The following ADAMTS2 variants were observed in gnomAD, a reference collection of about 807,000 sequenced individuals.
ADAMTS2 encodes the protein A disintegrin and metalloproteinase with thrombospondin motifs 2.
ADAMTS2 carries 50 observed loss-of-function variants against 123.0 expected under a neutral mutation model. The ratio of observed to expected loss-of-function variants is 0.41; its 90% CI spans 0.32 to 0.51. The LOEUF is 0.51. Ranked by LOEUF, ADAMTS2 falls within the 20% of genes least tolerant of loss-of-function variation. The probability of loss-of-function intolerance (pLI) is 0.35; values close to 1 mark genes in which losing one functional copy is unlikely to be tolerated. For synonymous variants in ADAMTS2, 678 were observed against 695.4 expected (o/e 0.98, Z 0.39); for missense variants, 1,494 against 1,705.2 (o/e 0.88, Z 2.18).
Position 179,122,780 on chromosome 5 carries a change from G to C in ADAMTS2, c.2959-7C>G, listed in dbSNP as rs748783596. 1.3e-6 allele frequency: 2 copies of C among 1,554,692 alleles called. No individual in the cohort carries two copies. Among genetic ancestry groups the C allele is most frequent in the Middle Eastern group, 1.7e-4 (1 of 5,994 alleles). Reference sequence around the variant, plus strand: ...TGCCACAGGTTACTGAGCACTGCAGGGGGAGAGTCGCCAGGCAGGGTTCAC... The same window carrying C: ...TGCCACAGGTTACTGAGCACTGCAGCGGGAGAGTCGCCAGGCAGGGTTCAC... On this transcript the variant is annotated splice_region_variant and splice_polypyrimidine_tract_variant and intron_variant, in intron 19 of 21. Coordinates refer to ENST00000251582, the MANE Select transcript of ADAMTS2 (RefSeq NM_014244.5).
chr5:179,208,781 T>C (rs1414938206), intron 3 of ADAMTS2, among the ~76,000 whole-genome samples: 1 of 151,994 alleles, frequency 6.6e-6, no homozygotes, highest in Non-Finnish European at 1.5e-5. Flanking sequence ...CACTGGTCTC[T>C]GTGTCTAAGC....
At chr5:179,326,189 C>CGTTTGTGTGTGCGTGTGTGTGTGT (rs1366295535) in intron 2 of ADAMTS2, among the ~76,000 whole-genome samples, 1 of 139,008 alleles carries the variant, frequency 7.2e-6, no homozygotes. Context: ...GGAGAAATGG[C>CGTTTGTGTGTGCGTGTGTGTGTGT]GTTTGTGTGT....
rs1021731721 is a variant in ADAMTS2, at chr5:179,272,416, C to T, written c.688+495G>A. On this transcript the variant is annotated intron_variant, in intron 3 of 21. Transcript: ENST00000251582. This position sits in a 1 kb window ranked among gnomAD's most constrained non-coding sequence, Gnocchi z 5.8. ...CAGAAAGAGCATGCAGGGCCTTTCT[C>T]CCTGAGCAGCCAGGTGAGGGTTGGG... Among the ~76,000 whole-genome samples the T allele has an allele frequency of 6.6e-5, 10 of 152,190 alleles. No individual in the cohort carries two copies. The highest frequency in any genetic ancestry group is 1.2e-4 in the Non-Finnish European group (8 of 68,032).
chr5:179,234,703 G>A lies in ADAMTS2; in HGVS notation c.689-26988C>T, dbSNP rs531165028. 5.3e-5 allele frequency among the ~76,000 whole-genome samples: 8 copies of A among 152,118 alleles called. No homozygotes were observed. The highest frequency in any genetic ancestry group is 1.9e-4 in the African/African-American group (8 of 41,506). ...TCATCTCCACATCCAAGGAGTCACCGCATCCTGGCACCTTCCCCATCTCCC... is the reference window on the plus strand; with the variant it reads ...TCATCTCCACATCCAAGGAGTCACCACATCCTGGCACCTTCCCCATCTCCC... On this transcript the variant is annotated intron_variant, in intron 3 of 21. Coordinates refer to ENST00000251582, the MANE Select transcript of ADAMTS2 (RefSeq NM_014244.5). The surrounding 1 kb of genome is among the most constrained non-coding windows in gnomAD (Gnocchi z 4.7).
chr5:179,330,154 A>AAACAAGT (rs1267577514), intron 2 of ADAMTS2, among the ~76,000 whole-genome samples: 1 of 142,950 alleles, frequency 7.0e-6, no homozygotes, highest in South Asian at 2.3e-4. Context: ...AAAAAAAAGG[A>AAACAAGT]AACAAGTTTC....
Position 179,148,801 on chromosome 5 carries a change from G to A in ADAMTS2, c.1629+3341C>T, listed in dbSNP as rs577040972. ...CTGCCTTTGTGGCAGTCTGAGCCAC[G>A]TGGGGACTGCAGAGGCCGCCACTCT... On this transcript the variant is annotated intron_variant, in intron 10 of 21. Transcript: ENST00000251582. Among the ~76,000 whole-genome samples, 16 of 152,156 alleles carry A rather than the reference G, an allele frequency of 1.1e-4. No homozygotes were observed. In the East Asian group the frequency reaches 2.9e-3, roughly 28 times the overall value.
At chr5:179,302,379 CAAAAAAAAAAAAA>C (rs1166990772) in intron 2 of ADAMTS2, among the ~76,000 whole-genome samples, 20 of 38,198 alleles carry the variant, frequency 5.2e-4, no homozygotes, top group Admixed American at 2.0e-3. Context: ...AAGACCGTCT[CAAAAAAAAAAAAA>C]AAAAAAAAAA....
intron 4 of ADAMTS2, among the ~76,000 whole-genome samples, chr5:179,196,052 C>A (rs1233125452): frequency 6.6e-6 from 1 of 152,206 alleles, no homozygotes; most frequent in Non-Finnish European, 1.5e-5. Context: ...TGAAAACACT[C>A]CTGTCCGACC....
rs1373739843 is a variant in ADAMTS2 at position 179,299,513 on chromosome 5, A to C, written c.535-26449T>G. Among the ~76,000 whole-genome samples the C allele has an allele frequency of 1.4e-4, 18 of 130,884 alleles. No homozygotes were observed. The East Asian group carries it at 4.0e-3, about 29-fold the overall frequency. The allele number at this position is 130,884 out of a possible 152,430, so 85.9% of individuals were successfully genotyped here. A position where few individuals can be genotyped will look rare whatever the true frequency, so the allele number is the denominator to read the frequency against. ...CACAGCACTCCAGCCTGGGCAACAGATCAAGACTCCAACTCAAACACACAC... is the reference window on the plus strand; with the variant it reads ...CACAGCACTCCAGCCTGGGCAACAGCTCAAGACTCCAACTCAAACACACAC... On this transcript the variant is annotated intron_variant, in intron 2 of 21. Coordinates refer to ENST00000251582, the MANE Select transcript of ADAMTS2 (RefSeq NM_014244.5).
Position 179,242,717 on chromosome 5 carries a change from C to T in ADAMTS2, c.688+30194G>A, listed in dbSNP as rs576775669. 6.6e-6 allele frequency among the ~76,000 whole-genome samples: 1 copy of T among 152,284 alleles called. No homozygotes were observed. The highest frequency in any genetic ancestry group is 2.4e-5 in the African/African-American group (1 of 41,556). The stretch of plus-strand genomic sequence containing the variant: ...AGTTCAGCTTATGGGGAGTTCCACT[C>T]TGGGGGTGTGTGGCCAAGAACACAG... On this transcript the variant is annotated intron_variant, in intron 3 of 21. Transcript: ENST00000251582. The surrounding 1 kb of genome is among the most constrained non-coding windows in gnomAD (Gnocchi z 4.2).
chr5:179,158,670 AG>A lies in ADAMTS2; in HGVS notation c.1132+52del. 6.2e-7 allele frequency: 1 copy of A among 1,612,982 alleles called. No individual in the cohort carries two copies. The highest frequency in any genetic ancestry group is 2.2e-5 in the East Asian group (1 of 44,860). On this transcript the variant is annotated intron_variant, in intron 6 of 21. Coordinates refer to ENST00000251582, the MANE Select transcript of ADAMTS2 (RefSeq NM_014244.5). This position sits in a 1 kb window ranked among gnomAD's most constrained non-coding sequence, Gnocchi z 5.0. ...GGCTCCCGGGGCCCCTTGCATGGCC[AG>A]GGGCTCATTTCCAGCTTCACGCCTC...
intron 2 of ADAMTS2, among the ~76,000 whole-genome samples, chr5:179,338,693 A>C (rs935818819): frequency 2.6e-5 from 4 of 152,170 alleles, no homozygotes; most frequent in African/African-American, 9.7e-5. Context: ...GGATGTTTTT[A>C]AGAGCAGTAA....
intron 2 of ADAMTS2, among the ~76,000 whole-genome samples, chr5:179,302,410 G>C (rs544450420): frequency 3.4e-5 from 5 of 146,226 alleles, no homozygotes; most frequent in Non-Finnish European, 6.0e-5. Context: ...AAAAAAAAGC[G>C]GGGGAGTGAT....
At chr5:179,270,070 C>T (rs1033224699) in intron 3 of ADAMTS2, among the ~76,000 whole-genome samples, 12 of 152,344 alleles carry the variant, frequency 7.9e-5, no homozygotes, top group African/African-American at 2.9e-4. Context: ...AGTGCACACA[C>T]TCATCCCTGG....
chr5:179,245,791 A>AC lies in ADAMTS2; in HGVS notation c.688+27119_688+27120insG, dbSNP rs1561628647. On this transcript the variant is annotated intron_variant, in intron 3 of 21. Transcript: ENST00000251582. ...AAAAAAAAAAAAAAAAAAAAAAAAA[A>AC]AAAACAAAAAAAACAAAGATGGGGG... is the stretch of plus-strand genomic sequence containing the variant. 7.4e-4 allele frequency among the ~76,000 whole-genome samples: 63 copies of AC among 85,642 alleles called. 1 individual carries two copies. Among genetic ancestry groups the AC allele is most frequent in the African/African-American group, 1.1e-3 (33 of 30,816 alleles). 56.2% of individuals were successfully genotyped at this position (85,642 alleles called of 152,430 possible).
At chr5:179,210,012 G>A (rs780514625) in intron 3 of ADAMTS2, among the ~76,000 whole-genome samples, 9 of 152,228 alleles carry the variant, frequency 5.9e-5, no homozygotes, top group Admixed American at 1.3e-4. Context: ...AGGTCACGTG[G>A]TGCCATCTGG....
chr5:179,295,699 A>C (rs457659), intron 2 of ADAMTS2, among the ~76,000 whole-genome samples: 35,414 of 152,170 alleles, frequency 0.23, 5,138 homozygotes, highest in Non-Finnish European at 0.31. Context: ...CTGGTCCAGA[A>C]CATTCTGAGC....
At chr5:179,241,915 C>A (rs539068112) in intron 3 of ADAMTS2, among the ~76,000 whole-genome samples, 6 of 152,262 alleles carry the variant, frequency 3.9e-5, no homozygotes, top group African/African-American at 1.2e-4. Flanking sequence ...GCGGGAAGGG[C>A]CTTGCCCCAC....
At chr5:179,164,549 C>T (rs551659840) in intron 5 of ADAMTS2, among the ~76,000 whole-genome samples, 2 of 152,098 alleles carry the variant, frequency 1.3e-5, no homozygotes, top group East Asian at 1.9e-4. Context: ...AGAGGCGGCG[C>T]GGGAAGGGGA....
Sources: gnomAD v4.1 joint callset for allele counts (sites outside exome capture counted in the v4.1 genomes callset) on GRCh38, gnomAD v4.1.1 for gene constraint, Gnocchi (gnomAD v3.1) non-coding constraint, MANE v1.5 for transcripts, NCBI Gene and HGNC (gene_info 2026-07-23, HGNC 2026-07-21) for gene names.